The following LAMC1 variants were observed in gnomAD, a reference collection of about 807,000 sequenced individuals.
LAMC1 encodes the protein laminin subunit gamma-1.
LAMC1 carries 38 observed loss-of-function variants against 173.6 expected under a neutral mutation model. That is an observed-to-expected ratio of 0.22 (90% confidence interval 0.17 to 0.29). The LOEUF (loss-of-function observed/expected upper bound fraction) is 0.29. Among genes scored for constraint, LAMC1 ranks in the 10% least tolerant of loss-of-function variants. The pLI is 1.00. For missense variants in LAMC1, 1,824 were observed against 2,051.8 expected, an observed-to-expected ratio of 0.89 and a Z score of 2.14; for synonymous variants, 746 against 749.1, an observed-to-expected ratio of 1.00 and a Z score of 0.07.
chr1:183,045,830 A>G (rs567289626), intron 1 of LAMC1, among the ~76,000 whole-genome samples: 107 of 152,200 alleles, frequency 7.0e-4, no homozygotes, highest in African/African-American at 2.4e-3. Flanking sequence ...GAATTCTCAA[A>G]TTTTGATCAT....
At chr1:183,108,036 GTTA>G (rs1656035061) in intron 2 of LAMC1, among the ~76,000 whole-genome samples, 1 of 152,106 alleles carries the variant, frequency 6.6e-6, no homozygotes, top group African/African-American at 2.4e-5. Context: ...AAAGAAATTA[GTTA>G]TTATCCTTGT....
Position 183,023,545 on chromosome 1 carries a change from G to A in LAMC1, c.-172G>A, listed in dbSNP as rs1356260863. 2 of 328,368 alleles carry A rather than the reference G, an allele frequency of 6.1e-6. No individual in the cohort carries two copies. The highest frequency in any genetic ancestry group is 4.4e-5 in the African/African-American group (2 of 45,334). 20.3% of individuals were successfully genotyped at this position (328,368 alleles called of 1,614,324 possible). On this transcript the variant is annotated 5_prime_UTR_variant, in exon 1 of 28. Coordinates refer to ENST00000258341, the MANE Select transcript of LAMC1 (RefSeq NM_002293.4). The stretch of plus-strand genomic sequence containing the variant: ...CGGCGAGCAGCGCGGTCCTCGCTAG[G>A]GGCGCCCACCCGTCAGTCTCTCCGG...
In LAMC1 at chr1:183,023,986, C is replaced by T. The variant is rs746539413; in HGVS notation, c.270C>T (p.His90=). 3.7e-6 allele frequency: 6 copies of T among 1,613,122 alleles called. No homozygotes were observed. The African/African-American group carries it at 6.7e-5, about 18-fold the overall frequency. The part of the protein sequence containing the change: ...TGVTGVTKSC[H]LCDAGQPHLQ... ...TGACCGGGGTCACCAAGTCCTGTCACCTGTGCGACGCCGGGCAGCCCCACC... is the reference window on the plus strand; with the variant it reads ...TGACCGGGGTCACCAAGTCCTGTCATCTGTGCGACGCCGGGCAGCCCCACC... The change falls in exon 1 of 28, where the codon CAC becomes CAT. Residue 90 remains histidine, a synonymous_variant. Coordinates refer to ENST00000258341, the MANE Select transcript of LAMC1 (RefSeq NM_002293.4).
intron 1 of LAMC1, among the ~76,000 whole-genome samples, chr1:183,036,080 TG>T (rs1182117875): frequency 6.7e-6 from 1 of 150,064 alleles, no homozygotes; most frequent in Non-Finnish European, 1.5e-5. Context: ...CCTCACACTT[TG>T]TGCTTGAATG....
chr1:183,054,627 C>T (rs920755376), intron 1 of LAMC1, among the ~76,000 whole-genome samples: 5 of 152,190 alleles, frequency 3.3e-5, no homozygotes, highest in Non-Finnish European at 7.3e-5. Flanking sequence ...GATTAACCCA[C>T]CCCGTATATT....
chr1:183,084,431 G>A (rs1655372745), intron 1 of LAMC1, among the ~76,000 whole-genome samples: 1 of 151,654 alleles, frequency 6.6e-6, no homozygotes, highest in Admixed American at 6.6e-5. Flanking sequence ...CATAAACCTG[G>A]GTTAATTTAT....
At chr1:183,112,951 A>G (rs1233079858) in intron 4 of LAMC1, among the ~76,000 whole-genome samples, 2 of 152,168 alleles carry the variant, frequency 1.3e-5, no homozygotes, top group African/African-American at 4.8e-5. Context: ...TGGGAGGCCA[A>G]GGTGGGAGAC....
intron 1 of LAMC1, among the ~76,000 whole-genome samples, chr1:183,040,255 A>C (rs575276727): frequency 5.9e-5 from 9 of 152,306 alleles, no homozygotes; most frequent in African/African-American, 2.2e-4. Flanking sequence ...TTTTGTGTTC[A>C]ACTGCCTGGT....
At position 183,122,153 on chromosome 1, in the gene LAMC1, C is replaced by T. The variant is rs1382833530; in HGVS notation, c.2303C>T (p.Ser768Phe). The T allele has an allele frequency of 2.5e-6, 4 of 1,614,062 alleles. No homozygotes were observed. In the African/African-American group the frequency reaches 4.0e-5, roughly 16 times the overall value. Reference sequence around the variant, plus strand: ...GGAGATTCAACTGCAGGCACCTCCTCCGATTGCCAACCCTGTCCGTGTCCT... The same window carrying T: ...GGAGATTCAACTGCAGGCACCTCCTTCGATTGCCAACCCTGTCCGTGTCCT... Reference protein sequence around the residue: ...YYGDSTAGTSSDCQPCPCPGG... With the variant: ...YYGDSTAGTSFDCQPCPCPGG... The change falls in exon 13 of 28, where the codon TCC becomes TTC. Residue 768 changes from serine (S) to phenylalanine (F), a missense_variant. Coordinates refer to ENST00000258341, the MANE Select transcript of LAMC1 (RefSeq NM_002293.4).
At chr1:183,105,635 T>A (rs1322347935) in intron 2 of LAMC1, among the ~76,000 whole-genome samples, 2 of 149,844 alleles carry the variant, frequency 1.3e-5, no homozygotes, top group Admixed American at 6.6e-5. Flanking sequence ...ACCTTGCATT[T>A]AAAAAAAAAA....
intron 1 of LAMC1, among the ~76,000 whole-genome samples, chr1:183,042,743 C>A (rs755284443): frequency 6.6e-6 from 1 of 152,184 alleles, no homozygotes; most frequent in Non-Finnish European, 1.5e-5. Context: ...TAGTGCACAG[C>A]CTTCACTCCC....
intron 1 of LAMC1, chr1:183,096,538 G>A (rs1655698083): frequency 6.6e-6 from 1 of 152,202 alleles, no homozygotes; most frequent in Non-Finnish European, 1.5e-5. Flanking sequence ...AAGTGTGATA[G>A]GAAGTGCTTA....
chr1:183,078,977 A>G (rs1171683929), intron 1 of LAMC1, among the ~76,000 whole-genome samples: 1 of 152,196 alleles, frequency 6.6e-6, no homozygotes, highest in Non-Finnish European at 1.5e-5. Flanking sequence ...CCTGGGCAAC[A>G]AGAGCAAAAC....
In LAMC1 at chr1:183,143,020, A is replaced by G. The variant is rs1437418206; in HGVS notation, c.*230A>G. The stretch of plus-strand genomic sequence containing the variant: ...AAGTGTCTCTTCCATTCACGTTGCT[A>G]CCTTACCCACACTTTCCCTTCTGAT... On this transcript the variant is annotated 3_prime_UTR_variant, in exon 28 of 28. Coordinates refer to ENST00000258341, the MANE Select transcript of LAMC1 (RefSeq NM_002293.4). 2 of 472,134 alleles carry G rather than the reference A, an allele frequency of 4.2e-6. No homozygotes were observed. The highest frequency in any genetic ancestry group is 7.6e-6 in the Non-Finnish European group (2 of 263,998). 29.2% of individuals were successfully genotyped at this position (472,134 alleles called of 1,614,324 possible). A position where few individuals can be genotyped will look rare whatever the true frequency, so the allele number is the denominator to read the frequency against.
At chr1:183,030,402 T>G (rs1217175038) in intron 1 of LAMC1, among the ~76,000 whole-genome samples, 1 of 152,190 alleles carries the variant, frequency 6.6e-6, no homozygotes, top group African/African-American at 2.4e-5. Context: ...GCATTCTGTC[T>G]CCAGTGACAC....
chr1:183,053,846 A>C (rs1403816069), intron 1 of LAMC1, among the ~76,000 whole-genome samples: 3 of 152,024 alleles, frequency 2.0e-5, no homozygotes, highest in African/African-American at 4.8e-5. Flanking sequence ...GGCTGGTCTC[A>C]AACTCCTGAG....
At chr1:183,052,273 A>T (rs561760274) in intron 1 of LAMC1, among the ~76,000 whole-genome samples, 7 of 151,952 alleles carry the variant, frequency 4.6e-5, no homozygotes, top group Admixed American at 2.0e-4. Context: ...CATCTCTCCC[A>T]AACTCTGCTA....
chr1:183,129,902 C>G (rs1383252468), intron 18 of LAMC1, among the ~76,000 whole-genome samples: 1 of 152,138 alleles, frequency 6.6e-6, no homozygotes, highest in East Asian at 1.9e-4. Flanking sequence ...TGTCATACTT[C>G]AACTTATGTT....
chr1:183,091,859 G>A (rs566590919), intron 1 of LAMC1, among the ~76,000 whole-genome samples: 1 of 152,332 alleles, frequency 6.6e-6, no homozygotes, highest in Admixed American at 6.5e-5. Context: ...ACACCAGAGA[G>A]GGTGGGGAAT....
Sources: allele counts gnomAD v4.1 joint callset (sites outside exome capture counted in the v4.1 genomes callset), GRCh38; gene constraint gnomAD v4.1.1; transcripts MANE v1.5; gene names NCBI Gene and HGNC (gene_info 2026-07-23, HGNC 2026-07-21).